The following EPRS1 variants were observed in gnomAD, a reference collection of about 807,000 sequenced individuals.
EPRS1 encodes glutamyl-prolyl-tRNA synthetase 1.
Under a neutral mutation model 188.3 loss-of-function variants are expected in EPRS1, and 107 were observed. That is an observed-to-expected ratio of 0.57 (90% CI 0.49 to 0.67). The LOEUF (loss-of-function observed/expected upper bound fraction) is 0.67. Among genes scored for constraint, EPRS1 ranks in the 30% least tolerant of loss-of-function variants. The probability of loss-of-function intolerance (pLI) is 0.00; values close to 1 mark genes in which losing one functional copy is unlikely to be tolerated. For synonymous variants in EPRS1, 596 were observed against 593.1 expected (o/e 1.00, Z -0.07); for missense variants, 1,577 against 1,802.2 (o/e 0.88, Z 2.26).
At chr1:219,990,835 A>G (rs552837044) in intron 18 of EPRS1, among the ~76,000 whole-genome samples, 5 of 152,300 alleles carry the variant, frequency 3.3e-5, no homozygotes, top group African/African-American at 1.2e-4. Context: ...ATTGGGTGGT[A>G]TACTATGATT....
chr1:220,014,428 T>C (rs1026915103), intron 12 of EPRS1, among the ~76,000 whole-genome samples: 3 of 152,018 alleles, frequency 2.0e-5, no homozygotes, highest in Non-Finnish European at 4.4e-5. Context: ...GCCTCTCCCC[T>C]ACCTTGACAA....
intron 30 of EPRS1, among the ~76,000 whole-genome samples, chr1:219,971,561 T>C (rs1660664066): frequency 6.6e-6 from 1 of 151,942 alleles, no homozygotes. Context: ...CAGCCGCATA[T>C]GACAGCTCTA....
chr1:219,998,591 G>A (rs1661281692), intron 17 of EPRS1, among the ~76,000 whole-genome samples: 1 of 148,276 alleles, frequency 6.7e-6, no homozygotes, highest in Non-Finnish European at 1.5e-5. Flanking sequence ...CCGCCAGGCT[G>A]GAGTCCAGTG....
rs113082128 is a variant in EPRS1 at position 219,979,819 on chromosome 1, C to T, written c.3712-204G>A. ...AAAAATACTATTTACAAGCATTTTG[C>T]TCTGGGCAGCCCCTTTTATAGCAGT... On this transcript the variant is annotated intron_variant, in intron 26 of 31. Transcript: ENST00000366923. 6.4e-3 allele frequency among the ~76,000 whole-genome samples: 975 copies of T among 152,160 alleles called. 12 individuals carry two copies. The highest frequency in any genetic ancestry group is 0.022 in the African/African-American group (923 of 41,506).
At chr1:219,998,340 T>G (rs1661275779) in intron 17 of EPRS1, among the ~76,000 whole-genome samples, 1 of 152,122 alleles carries the variant, frequency 6.6e-6, no homozygotes, top group Non-Finnish European at 1.5e-5. Flanking sequence ...ACACAGGCGT[T>G]AGGCTCTCAA....
chr1:219,970,649 G>A (rs1250709490), intron 30 of EPRS1, among the ~76,000 whole-genome samples: 1 of 151,900 alleles, frequency 6.6e-6, no homozygotes, highest in Non-Finnish European at 1.5e-5. Context: ...GTCATGGCAG[G>A]CGCCTGTAAT....
chr1:219,984,025 A>G (rs966676822), intron 21 of EPRS1, among the ~76,000 whole-genome samples, 181 bp downstream of exon 21: 1 of 152,076 alleles, frequency 6.6e-6, no homozygotes, highest in African/African-American at 2.4e-5. Context: ...CTGCTTTTCA[A>G]TTCAAGACTT....
intron 16 of EPRS1, among the ~76,000 whole-genome samples, chr1:220,004,987 T>C (rs78076186): frequency 0.016 from 2,380 of 152,304 alleles, 21 homozygotes; most frequent in Non-Finnish European, 0.023. Context: ...TTGTTCTTTA[T>C]ACTTGGGCTA....
rs781339119 is a variant in EPRS1 at position 219,979,384 on chromosome 1, T to TA, written c.3909+33dup. The TA allele has an allele frequency of 2.7e-4, 412 of 1,500,434 alleles. 3 individuals are homozygous for TA. Among genetic ancestry groups the TA allele is most frequent in the Non-Finnish European group, 3.3e-4 (362 of 1,087,112 alleles). The allele number at this position is 1,500,434 out of a possible 1,614,324, so 92.9% of individuals were successfully genotyped here. On this transcript the variant is annotated intron_variant, in intron 27 of 31. Transcript: ENST00000366923. ...TTTAGTAAATATGGCTTGTATTTTATAAAATGAGTGATAAACAGGAATATT... is the reference window on the plus strand; with the variant it reads ...TTTAGTAAATATGGCTTGTATTTTATAAAAATGAGTGATAAACAGGAATATT...
At chr1:220,002,186 G>C (rs1357457409) in intron 16 of EPRS1, among the ~76,000 whole-genome samples, 1 of 151,744 alleles carries the variant, frequency 6.6e-6, no homozygotes, top group East Asian at 1.9e-4. Flanking sequence ...CAAAAATTTA[G>C]CCAGGTATGG....
chr1:219,977,682 C>T (rs1403957099), intron 28 of EPRS1, among the ~76,000 whole-genome samples: 2 of 152,048 alleles, frequency 1.3e-5, no homozygotes, highest in East Asian at 3.9e-4. Flanking sequence ...TGGTATATTA[C>T]ATAAAAGGGA....
intron 12 of EPRS1, among the ~76,000 whole-genome samples, chr1:220,012,384 C>T (rs2248717): frequency 0.81 from 122,858 of 152,156 alleles, 49,736 homozygotes; most frequent in East Asian, 0.93. Flanking sequence ...TAGACAACCC[C>T]GCCTAAGAAA....
chr1:219,982,667 T>C, intron 23 of EPRS1, 105 bp downstream of exon 23: 1 of 837,462 alleles, frequency 1.2e-6, no homozygotes, highest in Non-Finnish European at 2.0e-6. Context: ...TGTTATATCG[T>C]CAACAGAGAT....
intron 1 of EPRS1, among the ~76,000 whole-genome samples, chr1:220,045,004 A>G (rs1272844667): frequency 6.6e-6 from 1 of 152,234 alleles, no homozygotes; most frequent in Non-Finnish European, 1.5e-5. Context: ...TACTGCAACC[A>G]ATATGCCAAA....
intron 17 of EPRS1, among the ~76,000 whole-genome samples, chr1:220,000,129 T>C (rs1661321980): frequency 6.6e-6 from 1 of 152,246 alleles, no homozygotes; most frequent in South Asian, 2.1e-4. Context: ...ATTTTCGGTA[T>C]GTGATTTTGC....
At chr1:220,045,520 A>C (rs554044348) in intron 1 of EPRS1, among the ~76,000 whole-genome samples, 77 of 152,286 alleles carry the variant, frequency 5.1e-4, no homozygotes, top group Non-Finnish European at 9.8e-4. Context: ...GAAAAAAAAA[A>C]ATCGGCAAAC....
chr1:220,017,888 T>G (rs1056387602), intron 12 of EPRS1, among the ~76,000 whole-genome samples: 1 of 152,150 alleles, frequency 6.6e-6, no homozygotes, highest in Non-Finnish European at 1.5e-5. Flanking sequence ...TAGAATTCTA[T>G]GTCCTCTCAG....
At chr1:219,972,007 G>A (rs1660677287) in intron 30 of EPRS1, 62 bp downstream of exon 30, 2 of 1,008,444 alleles carry the variant, frequency 2.0e-6, no homozygotes, top group African/African-American at 1.6e-5. Flanking sequence ...TAAATTCAAT[G>A]AGCCTTAAAA....
chr1:219,970,580 C>T (rs1660645396), intron 30 of EPRS1, among the ~76,000 whole-genome samples: 1 of 152,124 alleles, frequency 6.6e-6, no homozygotes, highest in African/African-American at 2.4e-5. Context: ...GAGTTTAAGA[C>T]CAGCCTGGCC....
Sources: allele counts gnomAD v4.1 joint callset (sites outside exome capture counted in the v4.1 genomes callset), GRCh38; gene constraint gnomAD v4.1.1; transcripts MANE v1.5; gene names NCBI Gene and HGNC (gene_info 2026-07-23, HGNC 2026-07-21).